Variants in FSTL5 observed in about 807,000 individuals in gnomAD.
FSTL5 encodes follistatin like 5.
A neutral mutation model predicts 89.1 loss-of-function variants in FSTL5; 62 were observed. That is an observed-to-expected ratio of 0.70 (90% CI 0.57 to 0.86). FSTL5 has a LOEUF of 0.86. Among genes scored for constraint, FSTL5 ranks in the 40% least tolerant of loss-of-function variants. The pLI, the probability that FSTL5 is intolerant of heterozygous loss-of-function variation, is 0.00. For synonymous variants in FSTL5, 383 were observed against 346.2 expected (o/e 1.11, Z -1.18); for missense variants, 1,057 against 1,001.6 (o/e 1.06, Z -0.75).
chr4:162,147,806 T>G (rs925836964), intron 1 of FSTL5, among the ~76,000 whole-genome samples: 2 of 151,792 alleles, frequency 1.3e-5, no homozygotes, highest in Non-Finnish European at 2.9e-5. Flanking sequence ...AGGTCAGGAG[T>G]TCGAGACCAG....
At chr4:161,520,271 C>G (rs1430271139) in intron 10 of FSTL5, among the ~76,000 whole-genome samples, 1 of 151,542 alleles carries the variant, frequency 6.6e-6, no homozygotes, top group Non-Finnish European at 1.5e-5. Flanking sequence ...AATTATATTC[C>G]TACTACATAT....
At chr4:162,078,784 C>A (rs986894511) in intron 2 of FSTL5, among the ~76,000 whole-genome samples, 2 of 151,674 alleles carry the variant, frequency 1.3e-5, no homozygotes, top group African/African-American at 2.4e-5. Flanking sequence ...TCAAGGGAAC[C>A]AAGTCACAGG....
At chr4:161,636,420 T>C (rs1735703362) in intron 7 of FSTL5, among the ~76,000 whole-genome samples, 1 of 151,488 alleles carries the variant, frequency 6.6e-6, no homozygotes, top group Non-Finnish European at 1.5e-5. Context: ...TGTAAGAAGA[T>C]TTTGACTTTT....
rs748509831 is a variant in FSTL5, at chr4:161,570,246, T to C, written c.1015+17209A>G. On this transcript the variant is annotated intron_variant, in intron 8 of 15. Transcript: ENST00000306100. ...GGGGCATAGTTAAAATTTTAAATAG[T>C]GTAGTCTGGGTAAGCTTCATTGAAA... 5.4e-4 allele frequency among the ~76,000 whole-genome samples: 82 copies of C among 152,030 alleles called. 2 individuals are homozygous for C. The highest frequency in any genetic ancestry group is 8.8e-5 in the Non-Finnish European group (6 of 67,998).
intron 7 of FSTL5, among the ~76,000 whole-genome samples, chr4:161,620,532 T>C (rs1735084457): frequency 6.6e-6 from 1 of 152,072 alleles, no homozygotes; most frequent in South Asian, 2.1e-4. Flanking sequence ...GGCAGGCGCC[T>C]GTAATCCCAG....
intron 7 of FSTL5, among the ~76,000 whole-genome samples, chr4:161,645,506 A>G (rs1289946263): frequency 3.3e-5 from 5 of 152,164 alleles, no homozygotes; most frequent in Non-Finnish European, 7.4e-5. Context: ...TTGTTTGTGA[A>G]GTGAATTACA....
At chr4:161,655,439 T>C (rs1736482567) in intron 7 of FSTL5, among the ~76,000 whole-genome samples, 1 of 152,142 alleles carries the variant, frequency 6.6e-6, no homozygotes, top group African/African-American at 2.4e-5. Context: ...TACATTCTTG[T>C]ACTTACTGTA....
Position 161,561,149 on chromosome 4 carries a change from CATT to C in FSTL5, c.1016-18459_1016-18457del, listed in dbSNP as rs1732582758. On this transcript the variant is annotated intron_variant, in intron 8 of 15. Transcript: ENST00000306100. ...GACCACTATCTTACATGTGGTTCAT[CATT>C]GACAGAAATGTTGTTGTGCAGTGCA... Among the ~76,000 whole-genome samples, 3 of 151,908 alleles carry C rather than the reference CATT, an allele frequency of 2.0e-5. No individual in the cohort carries two copies. The South Asian group carries it at 6.2e-4, about 32-fold the overall frequency.
At chr4:162,035,056 A>G (rs578214234) in intron 2 of FSTL5, among the ~76,000 whole-genome samples, 36 of 152,220 alleles carry the variant, frequency 2.4e-4, no homozygotes, top group Admixed American at 7.9e-4. Flanking sequence ...TTCTATAACT[A>G]GTAGGGTTAA....
At chr4:162,023,973 A>G (rs1737189269) in intron 3 of FSTL5, among the ~76,000 whole-genome samples, 1 of 152,130 alleles carries the variant, frequency 6.6e-6, no homozygotes, top group Admixed American at 6.6e-5. Flanking sequence ...GATAAGAGAA[A>G]TGTCAAGCAA....
At chr4:161,419,633 A>G (rs758471417) in intron 15 of FSTL5, among the ~76,000 whole-genome samples, 30 of 152,276 alleles carry the variant, frequency 2.0e-4, no homozygotes, top group Non-Finnish European at 4.0e-4. Flanking sequence ...TGAAAATTAG[A>G]TTCTATCACA....
At chr4:161,687,443 C>G (rs67752841) in intron 6 of FSTL5, among the ~76,000 whole-genome samples, 45,315 of 152,010 alleles carry the variant, frequency 0.3, 7,869 homozygotes, top group African/African-American at 0.47. Flanking sequence ...AAAAATGTAT[C>G]TTTTTAAATT....
In FSTL5 at chr4:161,477,097, T is replaced by C. The variant is rs180805961; in HGVS notation, c.1608+3923A>G. On this transcript the variant is annotated intron_variant, in intron 13 of 15. Transcript: ENST00000306100. ...TTACATTGGTGATAAAGTATATGTT[T>C]TGTGTGTCTGACACAATAAACAAAT... Among the ~76,000 whole-genome samples the C allele has an allele frequency of 3.5e-3, 529 of 152,256 alleles. 3 individuals carry two copies. The highest frequency in any genetic ancestry group is 0.012 in the African/African-American group (481 of 41,572).
chr4:161,925,147 C>T (rs185927400), intron 3 of FSTL5, among the ~76,000 whole-genome samples: 6 of 151,904 alleles, frequency 3.9e-5, no homozygotes, highest in South Asian at 4.1e-4. Flanking sequence ...CTCAGCAAAA[C>T]GCAGTTCTAA....
At chr4:161,931,605 A>T (rs1272940884) in intron 3 of FSTL5, among the ~76,000 whole-genome samples, 2 of 151,938 alleles carry the variant, frequency 1.3e-5, no homozygotes, top group Non-Finnish European at 2.9e-5. Context: ...ATTTAATTTA[A>T]CAATATACCA....
intron 4 of FSTL5, among the ~76,000 whole-genome samples, chr4:161,914,323 A>G (rs966375054): frequency 4.6e-5 from 7 of 152,214 alleles, no homozygotes; most frequent in African/African-American, 1.7e-4. Flanking sequence ...ATGTATAAAA[A>G]CAAGATAAAA....
intron 9 of FSTL5, among the ~76,000 whole-genome samples, chr4:161,541,533 G>A (rs1307600141): frequency 6.6e-6 from 1 of 151,966 alleles, no homozygotes; most frequent in Non-Finnish European, 1.5e-5. Context: ...ATGCACATTA[G>A]TGATTTCTAG....
intron 3 of FSTL5, among the ~76,000 whole-genome samples, chr4:161,999,043 C>T (rs1736385781): frequency 6.6e-6 from 1 of 152,108 alleles, no homozygotes; most frequent in Admixed American, 6.6e-5. Context: ...ACTTTCCAGT[C>T]GTGCTCTAAA....
At chr4:161,960,686 T>C (rs1167783352) in intron 3 of FSTL5, among the ~76,000 whole-genome samples, 18 of 152,114 alleles carry the variant, frequency 1.2e-4, no homozygotes, top group African/African-American at 3.4e-4. Context: ...TTCTTAACTA[T>C]AGTTTTGATT....
Sources: gnomAD v4.1 joint callset for allele counts (sites outside exome capture counted in the v4.1 genomes callset) on GRCh38, gnomAD v4.1.1 for gene constraint, MANE v1.5 for transcripts, NCBI Gene and HGNC (gene_info 2026-07-23, HGNC 2026-07-21) for gene names.